The following NTM variants were observed in gnomAD, a reference collection of about 807,000 sequenced individuals.
NTM encodes neurotrimin, also known as IgLON family member 2.
A neutral mutation model predicts 42.1 loss-of-function variants in NTM; 13 were observed. The observed-to-expected ratio is 0.31, with a 90% CI of 0.20 to 0.49. The LOEUF is 0.49. Ranked by LOEUF, NTM falls within the 20% of genes least tolerant of loss-of-function variation. The pLI is 0.99. For missense variants in NTM, 373 were observed against 452.8 expected (o/e 0.82, Z 1.60); for synonymous variants, 187 against 179.2 (o/e 1.04, Z -0.35).
chr11:131,510,287 G>A (rs1418392447), intron 1 of NTM, among the ~76,000 whole-genome samples: 4 of 152,258 alleles, frequency 2.6e-5, no homozygotes, highest in Non-Finnish European at 5.9e-5. Flanking sequence ...CATCACCCTG[G>A]CTCCCTGGCC....
chr11:132,104,609 G>GTAATAATAATAATAA (rs147673814), intron 2 of NTM, among the ~76,000 whole-genome samples: 3 of 146,324 alleles, frequency 2.1e-5, no homozygotes, highest in African/African-American at 7.7e-5. Context: ...ATAACTAATA[G>GTAATAATAATAATAA]TAATAATCAT....
chr11:132,217,362 G>T (rs1313569069), intron 4 of NTM, among the ~76,000 whole-genome samples: 1 of 145,940 alleles, frequency 6.9e-6, no homozygotes, highest in African/African-American at 2.6e-5. Context: ...CTCTTTCTGT[G>T]TGTGTGTGTG....
chr11:131,819,921 A>T (rs578185814), intron 1 of NTM, among the ~76,000 whole-genome samples: 1 of 152,114 alleles, frequency 6.6e-6, no homozygotes, highest in African/African-American at 2.4e-5. Context: ...TCTGAATTTC[A>T]CCCAGATAAT....
At chr11:131,385,841 G>A (rs949900419) in intron 1 of NTM, among the ~76,000 whole-genome samples, 7 of 152,314 alleles carry the variant, frequency 4.6e-5, no homozygotes, top group South Asian at 2.1e-4. Flanking sequence ...CTGCACAGCA[G>A]AGCAAGACTC....
intron 2 of NTM, among the ~76,000 whole-genome samples, chr11:132,134,747 A>ATCTC (rs1360180567): frequency 1.1e-5 from 1 of 89,680 alleles, no homozygotes; most frequent in African/African-American, 5.5e-5. Flanking sequence ...ATATATATAT[A>ATCTC]TATATATATA....
rs145745863 is a variant in NTM at position 131,930,478 on chromosome 11, T to C, written c.167+18830T>C. ...TGTACAGGGAGCCGAATGCATATTA[T>C]TGCATAGTATTTTCCTTTTGTTATG... On this transcript the variant is annotated intron_variant, in intron 2 of 8. Coordinates refer to ENST00000683400, the MANE Select transcript of NTM (RefSeq NM_001352005.2). Among the ~76,000 whole-genome samples the C allele has an allele frequency of 6.2e-3, 944 of 152,366 alleles. 6 individuals are homozygous for C. The highest frequency in any genetic ancestry group is 0.022 in the African/African-American group (908 of 41,574).
At chr11:131,652,905 G>T (rs1465885569) in intron 1 of NTM, among the ~76,000 whole-genome samples, 1 of 152,232 alleles carries the variant, frequency 6.6e-6, no homozygotes. Flanking sequence ...AAGCCACTTG[G>T]AATGCAACCT....
chr11:131,514,789 C>G (rs2048686123), intron 1 of NTM, among the ~76,000 whole-genome samples: 1 of 152,084 alleles, frequency 6.6e-6, no homozygotes, highest in African/African-American at 2.4e-5. Context: ...TGGGGTTTCT[C>G]TATGTTACCC....
chr11:132,334,565 G>A (rs542255763), intron 8 of NTM, among the ~76,000 whole-genome samples: 54 of 152,344 alleles, frequency 3.5e-4, no homozygotes, highest in Non-Finnish European at 7.3e-4. Flanking sequence ...GCAGCAGGCA[G>A]ACACATTGTT....
intron 4 of NTM, among the ~76,000 whole-genome samples, chr11:132,237,479 G>A (rs1444489146): frequency 1.3e-5 from 2 of 152,078 alleles, no homozygotes; most frequent in Non-Finnish European, 2.9e-5. Context: ...TCAGCCTTTG[G>A]GCCACTGACC....
In NTM at chr11:131,891,652, C is replaced by T. The variant is rs552307259; in HGVS notation, c.83-19912C>T. ...GGAAAGCACCCCACAGGGCTCTCTGCGGTGGGAGTTGTGTCACTGGTCCTT... is the reference window on the plus strand; with the variant it reads ...GGAAAGCACCCCACAGGGCTCTCTGTGGTGGGAGTTGTGTCACTGGTCCTT... On this transcript the variant is annotated intron_variant, in intron 1 of 8. Coordinates refer to ENST00000683400, the MANE Select transcript of NTM (RefSeq NM_001352005.2). 1.1e-4 allele frequency among the ~76,000 whole-genome samples: 16 copies of T among 152,250 alleles called. No homozygotes were observed. The South Asian group carries it at 1.5e-3, about 14-fold the overall frequency.
At chr11:131,510,885 G>T (rs1316109717) in intron 1 of NTM, among the ~76,000 whole-genome samples, 2 of 152,208 alleles carry the variant, frequency 1.3e-5, no homozygotes, top group Non-Finnish European at 1.5e-5. Flanking sequence ...GCCGTGGGAA[G>T]AGCTCCCTCT....
chr11:132,106,844 G>C (rs1210657369), intron 2 of NTM, among the ~76,000 whole-genome samples: 1 of 152,130 alleles, frequency 6.6e-6, no homozygotes, highest in Non-Finnish European at 1.5e-5. Context: ...GAGGTGTACT[G>C]CCATTGAGCT....
At chr11:131,929,829 G>A (rs924057918) in intron 2 of NTM, among the ~76,000 whole-genome samples, 12 of 152,276 alleles carry the variant, frequency 7.9e-5, no homozygotes, top group Middle Eastern at 3.4e-3. Context: ...TTTCCTTGTC[G>A]TTTGTGATCA....
intron 1 of NTM, among the ~76,000 whole-genome samples, chr11:131,729,831 A>T (rs557488311): frequency 1.3e-5 from 2 of 152,170 alleles, no homozygotes; most frequent in Non-Finnish European, 2.9e-5. Flanking sequence ...CTATCAATTG[A>T]AATTGTTATC....
chr11:132,118,590 T>G (rs897006506), intron 2 of NTM, among the ~76,000 whole-genome samples: 3 of 152,194 alleles, frequency 2.0e-5, no homozygotes, highest in Admixed American at 1.3e-4. Flanking sequence ...AAAGCTTATC[T>G]GCTCTTATTT....
chr11:131,874,030 A>ATATAAATATATATAT (rs1555162935), intron 1 of NTM, among the ~76,000 whole-genome samples: 1 of 76,632 alleles, frequency 1.3e-5, no homozygotes, highest in Non-Finnish European at 2.9e-5. Context: ...AATATAATAT[A>ATATAAATATATATAT]ATATATATAT....
chr11:132,220,749 C>A (rs938300847), intron 4 of NTM, among the ~76,000 whole-genome samples: 3 of 152,184 alleles, frequency 2.0e-5, no homozygotes, highest in Non-Finnish European at 4.4e-5. Context: ...ACTTGGTGAC[C>A]GTTACCATGC....
intron 4 of NTM, among the ~76,000 whole-genome samples, chr11:132,301,735 T>C (rs1302946403): frequency 1.3e-5 from 2 of 152,204 alleles, no homozygotes; most frequent in Non-Finnish European, 2.9e-5. Context: ...ATGTCACTGC[T>C]AGTCATGGGA....
Sources: allele counts gnomAD v4.1 joint callset (sites outside exome capture counted in the v4.1 genomes callset), GRCh38; gene constraint gnomAD v4.1.1; transcripts MANE v1.5; gene names NCBI Gene and HGNC (gene_info 2026-07-23, HGNC 2026-07-21).